The following LONRF1 variants were observed in gnomAD, a reference collection of about 807,000 sequenced individuals.
The protein encoded by LONRF1 is LON peptidase N-terminal domain and RING finger protein 1.
Under a neutral mutation model 85.8 loss-of-function variants are expected in LONRF1, and 37 were observed. The ratio of observed to expected loss-of-function variants is 0.43; its 90% CI spans 0.33 to 0.57. The LOEUF is 0.57. Ranked by LOEUF, LONRF1 falls within the 20% of genes least tolerant of loss-of-function variation. LONRF1 has a pLI of 0.04. For synonymous variants in LONRF1, 517 were observed against 390.1 expected, an observed-to-expected ratio of 1.33 and a Z score of -3.83; for missense variants, 1,036 against 978.0, an observed-to-expected ratio of 1.06 and a Z score of -0.79.
At chr8:12,732,130 C>T (rs1419040289) in intron 7 of LONRF1, among the ~76,000 whole-genome samples, 3 of 152,224 alleles carry the variant, frequency 2.0e-5, no homozygotes, top group African/African-American at 4.8e-5. Context: ...CTATTAGCCG[C>T]AGAGGGCCCT....
chr8:12,754,445 G>T (rs1799544986), intron 1 of LONRF1: 1 of 344,392 alleles, frequency 2.9e-6, no homozygotes, highest in African/African-American at 2.2e-5. Flanking sequence ...CCGCGGCCGA[G>T]GGAACCCCGC....
chr8:12,747,997 T>C (rs974285522), intron 1 of LONRF1, among the ~76,000 whole-genome samples: 3 of 152,200 alleles, frequency 2.0e-5, no homozygotes, highest in South Asian at 4.1e-4. Context: ...CTGCTTTTTT[T>C]CCCATGTAAT....
At chr8:12,749,285 G>A (rs1019399548) in intron 1 of LONRF1, among the ~76,000 whole-genome samples, 1 of 152,128 alleles carries the variant, frequency 6.6e-6, no homozygotes, top group Non-Finnish European at 1.5e-5. Context: ...GGGATCAGGA[G>A]AGCAGACTGG....
chr8:12,750,570 A>C (rs1799339976), intron 1 of LONRF1, among the ~76,000 whole-genome samples: 1 of 152,266 alleles, frequency 6.6e-6, no homozygotes. Context: ...CTGAAACCAC[A>C]AATAAGGGGA....
chr8:12,741,127 T>G (rs1167771412), intron 2 of LONRF1, 131 bp from the exon 3 acceptor site: 1 of 883,236 alleles, frequency 1.1e-6, no homozygotes, highest in African/African-American at 1.7e-5. Flanking sequence ...CTCACGCCTG[T>G]AATCCCAGCA....
Position 12,722,200 on chromosome 8 carries a change from G to A in LONRF1, c.*896C>T, listed in dbSNP as rs1197720484. ...TCTTCTCTTTTCCCAGATCCTTAATGGGTTTATACTATGCATTTTTTTTTA... is the reference window on the plus strand; with the variant it reads ...TCTTCTCTTTTCCCAGATCCTTAATAGGTTTATACTATGCATTTTTTTTTA... On this transcript the variant is annotated 3_prime_UTR_variant, in exon 12 of 12. Coordinates refer to ENST00000398246, the MANE Select transcript of LONRF1 (RefSeq NM_152271.5). 1 of 152,188 alleles carries A rather than the reference G, an allele frequency of 6.6e-6. No homozygotes were observed. Among genetic ancestry groups the A allele is most frequent in the African/African-American group, 2.4e-5 (1 of 41,294 alleles). 9.4% of individuals were successfully genotyped at this position (152,188 alleles called of 1,614,324 possible).
In LONRF1 at chr8:12,755,201, C is replaced by A. The variant is rs1195587321; in HGVS notation, c.220G>T (p.Ala74Ser). 9 of 1,284,224 alleles carry A rather than the reference C, an allele frequency of 7.0e-6. No individual in the cohort carries two copies. The highest frequency in any genetic ancestry group is 2.9e-6 in the Non-Finnish European group (3 of 1,022,372). 79.6% of individuals were successfully genotyped at this position (1,284,224 alleles called of 1,614,324 possible). ...CTGGCCGGGGCCCCGCGGCGCAGCG[C>A]CGCCGCGAACGCCTCCAGCGCGCCC... is the stretch of plus-strand genomic sequence containing the variant. ...LKGALEAFAAALRRGAPARPE... is the reference protein window; with the variant it reads ...LKGALEAFAASLRRGAPARPE... The change falls in exon 1 of 12, where the codon GCG (alanine) becomes TCG (serine). Residue 74 changes from alanine (A) to serine (S), a missense_variant. Ala to Ser is a moderately conservative substitution (Grantham distance 99). Around this residue, in one of 3 missense-constraint regions of LONRF1, gnomAD observed 742 missense variants for 614.4 expected, o/e 1.21. Coordinates refer to ENST00000398246, the MANE Select transcript of LONRF1 (RefSeq NM_152271.5).
intron 3 of LONRF1, 54 bp downstream of exon 3, chr8:12,740,820 A>G: frequency 6.4e-7 from 1 of 1,554,594 alleles, no homozygotes; most frequent in South Asian, 1.2e-5. Context: ...TTTTTTTTAA[A>G]CCTGTCTGCC....
intron 4 of LONRF1, 87 bp downstream of exon 4, chr8:12,737,908 C>T: frequency 7.4e-7 from 1 of 1,348,876 alleles, no homozygotes; most frequent in Non-Finnish European, 1.0e-6. Context: ...TAAGTAGGTG[C>T]TAGTACTTGA....
chr8:12,754,935 C>T lies in LONRF1; in HGVS notation c.486G>A (p.Leu162=). The T allele has an allele frequency of 1.3e-6, 2 of 1,489,116 alleles. No individual in the cohort carries two copies. Among genetic ancestry groups the T allele is most frequent in the East Asian group, 5.7e-5 (2 of 35,094 alleles). 92.2% of individuals were successfully genotyped at this position (1,489,116 alleles called of 1,614,324 possible). The stretch of plus-strand genomic sequence containing the variant: ...CAGTGGCACTGGCGGTGGCGGGCGG[C>T]AGCCGGTCCCGGCAGAGGCGGCAGC... The part of the protein sequence containing the change: ...RARCRLCRDR[L]PPATASATDA... The change falls in exon 1 of 12, where the codon CTG becomes CTA. Residue 162 remains leucine, a synonymous_variant. Coordinates refer to ENST00000398246, the MANE Select transcript of LONRF1 (RefSeq NM_152271.5).
At chr8:12,738,210 AT>A (rs1231850886) in intron 3 of LONRF1, 66 bp from the exon 4 acceptor site, 2 of 1,075,234 alleles carry the variant, frequency 1.9e-6, no homozygotes, top group Non-Finnish European at 2.6e-6. Context: ...TTTTGTATAA[AT>A]TTACCTAATA....
chr8:12,726,653 C>T (rs1324035258), intron 10 of LONRF1, among the ~76,000 whole-genome samples: 1 of 152,204 alleles, frequency 6.6e-6, no homozygotes, highest in Non-Finnish European at 1.5e-5. Flanking sequence ...CTTTAATGCA[C>T]ACTTACATCC....
intron 10 of LONRF1, 145 bp downstream of exon 10, chr8:12,728,756 A>C: frequency 1.2e-6 from 1 of 813,036 alleles, no homozygotes; most frequent in Non-Finnish European, 1.9e-6. Flanking sequence ...GATACGAAAA[A>C]GGTAACTTGG....
chr8:12,733,484 T>A (rs1289406864), intron 7 of LONRF1, among the ~76,000 whole-genome samples: 1 of 152,184 alleles, frequency 6.6e-6, no homozygotes, highest in Non-Finnish European at 1.5e-5. Context: ...TTGTTCCCAA[T>A]TTCAGACACA....
In LONRF1 at chr8:12,755,364, TG is replaced by T. The variant is rs1362504756; in HGVS notation, c.56del (p.Pro19GlnfsTer46). 8 of 1,211,028 alleles carry T rather than the reference TG, an allele frequency of 6.6e-6. No homozygotes were observed. The highest frequency in any genetic ancestry group is 6.1e-5 in the South Asian group (2 of 32,848). 75.0% of individuals were successfully genotyped at this position (1,211,028 alleles called of 1,614,324 possible). ...AGAACCGGCCTCGGCCCTGCGGCGC[TG>T]GGGCCATCTCCCGACTCCCTCCTGG... ...TSPGGSREMA[P>X]APQGRGRFWE... On this transcript the variant is annotated frameshift_variant, in exon 1 of 12. Transcript: ENST00000398246. LOFTEE classifies it high-confidence loss of function.
At chr8:12,747,906 C>T (rs1799229076) in intron 1 of LONRF1, among the ~76,000 whole-genome samples, 1 of 152,022 alleles carries the variant, frequency 6.6e-6, no homozygotes, top group Non-Finnish European at 1.5e-5. Context: ...AAACGGCCTC[C>T]CATACATTTT....
intron 1 of LONRF1, among the ~76,000 whole-genome samples, chr8:12,745,313 T>C (rs1265004820): frequency 1.7e-5 from 2 of 116,104 alleles, no homozygotes; most frequent in Non-Finnish European, 3.4e-5. Context: ...TGAATGATTA[T>C]TTTTTTGGAA....
rs777605281 is a variant in LONRF1, at chr8:12,723,169, A to G, written c.2249T>C (p.Met750Thr). 2 of 1,614,162 alleles carry G rather than the reference A, an allele frequency of 1.2e-6. No homozygotes were observed. The highest frequency in any genetic ancestry group is 4.5e-5 in the East Asian group (2 of 44,868). ...DPRYQLSVLS[M>T]KSLKERLTKI... ...GGTCAACCGTTCTTTCAAAGACTTCATTGACAAAACCGACAGCTGGTATCG... is the reference window on the plus strand; with the variant it reads ...GGTCAACCGTTCTTTCAAAGACTTCGTTGACAAAACCGACAGCTGGTATCG... The change falls in exon 12 of 12, where the codon ATG (methionine) becomes ACG (threonine). Residue 750 changes from methionine (M) to threonine (T), a missense_variant. Physicochemically the swap from Met to Thr is moderately conservative, Grantham distance 81 (BLOSUM62 -1). Around this residue, in one of 3 missense-constraint regions of LONRF1, gnomAD observed 265 missense variants for 301.5 expected, o/e 0.88. Transcript: ENST00000398246.
In LONRF1 at chr8:12,730,203, A is replaced by T. The variant is rs147990948; in HGVS notation, c.1689-871T>A. Among the ~76,000 whole-genome samples, 714 of 152,334 alleles carry T rather than the reference A, an allele frequency of 4.7e-3. 4 individuals are homozygous for T. The highest frequency in any genetic ancestry group is 0.017 in the African/African-American group (692 of 41,582). On this transcript the variant is annotated intron_variant, in intron 8 of 11. Transcript: ENST00000398246. ...AATACTATGTTTCCATTAAAAGATG[A>T]TGTGTATGAACTGAATTAGAAGAAA...
Sources: gnomAD v4.1 joint callset for allele counts (sites outside exome capture counted in the v4.1 genomes callset) on GRCh38, gnomAD v4.1.1 for gene constraint, gnomAD v4.1.1 regional missense constraint, MANE v1.5 for transcripts, NCBI Gene and HGNC (gene_info 2026-07-23, HGNC 2026-07-21) for gene names.